Variants in CLNK observed in about 807,000 individuals in gnomAD.
CLNK encodes the protein cytokine-dependent hematopoietic cell linker.
A neutral mutation model predicts 68.6 loss-of-function variants in CLNK; 74 were observed. The ratio of observed to expected loss-of-function variants is 1.08; its 90% CI spans 0.89 to 1.31. The LOEUF is 1.31. CLNK is among the 50% of genes most tolerant of loss of function. CLNK has a pLI of 0.00. For missense variants in CLNK, 553 were observed against 515.3 expected (o/e 1.07, Z -0.71); for synonymous variants, 198 against 172.2 (o/e 1.15, Z -1.17).
the CLNK span, among the ~76,000 whole-genome samples, chr4:10,725,872 G>T: frequency 6.6e-6 from 1 of 151,684 alleles, no homozygotes; most frequent in Non-Finnish European, 1.5e-5. Flanking sequence ...AAAGAAAAAA[G>T]AAAAAACGTT....
chr4:10,533,721 A>G (rs1381331711), intron 11 of CLNK, among the ~76,000 whole-genome samples: 5 of 152,260 alleles, frequency 3.3e-5, no homozygotes, highest in African/African-American at 1.2e-4. Flanking sequence ...GGCTAATCTC[A>G]GTATTTAATG....
In CLNK at chr4:10,525,830, T is replaced by A; in HGVS notation, c.731+11A>T. On this transcript the variant is annotated intron_variant, in intron 14 of 18. Transcript: ENST00000226951. ...AGCCTCAGACCTGAGAAAGGATTCC[T>A]GGCTCCTTACCTGCTAATGGCAAGT... The A allele has an allele frequency of 6.5e-7, 1 of 1,546,816 alleles. No homozygotes were observed. Among genetic ancestry groups the A allele is most frequent in the Non-Finnish European group, 8.8e-7 (1 of 1,133,406 alleles).
intron 2 of CLNK, among the ~76,000 whole-genome samples, chr4:10,629,379 G>A (rs1002741383): frequency 6.6e-6 from 1 of 152,276 alleles, no homozygotes; most frequent in Non-Finnish European, 1.5e-5. Context: ...ACCTGGCCTC[G>A]GCTTTCAGGA....
intron 15 of CLNK, among the ~76,000 whole-genome samples, chr4:10,519,011 G>C (rs1054384501): frequency 6.6e-6 from 1 of 152,202 alleles, no homozygotes; most frequent in Non-Finnish European, 1.5e-5. Context: ...GTTAAGAGAA[G>C]GTGGGGTGGT....
the CLNK span, among the ~76,000 whole-genome samples, chr4:10,733,086 C>T: frequency 0.043 from 6,496 of 152,166 alleles, 337 homozygotes; most frequent in African/African-American, 0.12. Context: ...GCCCCCCTTT[C>T]GGTTATAGCT....
chr4:10,518,051 A>G (rs1418202501), intron 15 of CLNK, among the ~76,000 whole-genome samples: 1 of 152,050 alleles, frequency 6.6e-6, no homozygotes, highest in Non-Finnish European at 1.5e-5. Context: ...CAAGTTTTAT[A>G]ACCCCATGAA....
chr4:10,650,267 G>A (rs11723092), intron 2 of CLNK, among the ~76,000 whole-genome samples: 63,314 of 151,830 alleles, frequency 0.42, 14,087 homozygotes, highest in Non-Finnish European at 0.51. Flanking sequence ...AGGCTAAAAC[G>A]TGACGGTCTA....
chr4:10,635,222 T>C (rs531998648), intron 2 of CLNK, among the ~76,000 whole-genome samples: 1 of 152,328 alleles, frequency 6.6e-6, no homozygotes, highest in Non-Finnish European at 1.5e-5. Context: ...CATTCCGTAT[T>C]AGACATATGT....
At chr4:10,619,636 A>G (rs1353490574) in intron 2 of CLNK, among the ~76,000 whole-genome samples, 1 of 152,144 alleles carries the variant, frequency 6.6e-6, no homozygotes, top group Non-Finnish European at 1.5e-5. Flanking sequence ...TAAAAGGGAA[A>G]GGAAAAGGGA....
At chr4:10,724,186 G>C in the CLNK span, among the ~76,000 whole-genome samples, 1 of 152,062 alleles carries the variant, frequency 6.6e-6, no homozygotes, top group Non-Finnish European at 1.5e-5. Flanking sequence ...CAAATATAAT[G>C]TATGTATGCA....
intron 12 of CLNK, 81 bp from the exon 13 acceptor site, chr4:10,528,175 C>A (rs1198120758): frequency 4.7e-6 from 3 of 635,492 alleles, no homozygotes; most frequent in Non-Finnish European, 6.9e-6. Flanking sequence ...GTTTTTAGAG[C>A]ATTTGGTTGG....
At chr4:10,654,386 T>A (rs953415833) in intron 2 of CLNK, among the ~76,000 whole-genome samples, 2 of 132,022 alleles carry the variant, frequency 1.5e-5, no homozygotes, top group Admixed American at 1.5e-4. Flanking sequence ...ATTGATTAAA[T>A]ATATATATAT....
At chr4:10,644,602 A>G (rs1723439524) in intron 2 of CLNK, among the ~76,000 whole-genome samples, 1 of 152,222 alleles carries the variant, frequency 6.6e-6, no homozygotes, top group African/African-American at 2.4e-5. Context: ...GAGACACATG[A>G]GGCCCTTGCA....
chr4:10,589,291 G>A (rs932758601), intron 3 of CLNK, among the ~76,000 whole-genome samples: 4 of 152,148 alleles, frequency 2.6e-5, no homozygotes, highest in African/African-American at 7.2e-5. Context: ...GGATTTGTCC[G>A]AGTCCCTCCA....
rs1370658382 is a variant in CLNK, at chr4:10,547,852, T to C, written c.446-5572A>G. Among the ~76,000 whole-genome samples, 3 of 152,122 alleles carry C rather than the reference T, an allele frequency of 2.0e-5. No homozygotes were observed. In the East Asian group the frequency reaches 5.8e-4, roughly 29 times the overall value. On this transcript the variant is annotated intron_variant, in intron 8 of 18. Coordinates refer to ENST00000226951, the MANE Select transcript of CLNK (RefSeq NM_052964.4). ...CCCCTTAAGGCTGAAAAATACTCCA[T>C]TGTGTGTATATACCACAATTTTTTG...
At chr4:10,637,142 CAA>C (rs1428041086) in intron 2 of CLNK, among the ~76,000 whole-genome samples, 1 of 152,182 alleles carries the variant, frequency 6.6e-6, no homozygotes, top group East Asian at 1.9e-4. Context: ...GGTTGCTCAT[CAA>C]AGACATTTAT....
chr4:10,578,242 C>T (rs997019247), intron 4 of CLNK, among the ~76,000 whole-genome samples: 3 of 152,208 alleles, frequency 2.0e-5, no homozygotes, highest in Admixed American at 6.5e-5. Flanking sequence ...CAACCCAGGT[C>T]GTTAGCACTG....
chr4:10,635,453 G>A (rs1221117627), intron 2 of CLNK, among the ~76,000 whole-genome samples: 1 of 152,130 alleles, frequency 6.6e-6, no homozygotes, highest in Non-Finnish European at 1.5e-5. Context: ...CCAAGAGAGA[G>A]GAGGCCTTTT....
At chr4:10,664,629 C>T (rs1724321401) in intron 2 of CLNK, among the ~76,000 whole-genome samples, 1 of 152,234 alleles carries the variant, frequency 6.6e-6, no homozygotes, top group Non-Finnish European at 1.5e-5. Context: ...AACCGAGGAT[C>T]TTGTAAAAGT....
Sources: allele counts gnomAD v4.1 joint callset (sites outside exome capture counted in the v4.1 genomes callset), GRCh38; gene constraint gnomAD v4.1.1; transcripts MANE v1.5; gene names NCBI Gene and HGNC (gene_info 2026-07-23, HGNC 2026-07-21).